Variants in ELMO1 observed in about 807,000 individuals in gnomAD.
ELMO1 encodes the protein engulfment and cell motility 1, also known as engulfment and cell motility protein 1.
A neutral mutation model predicts 98.9 loss-of-function variants in ELMO1; 26 were observed. That is an observed-to-expected ratio of 0.26 (90% CI 0.19 to 0.36). ELMO1 has a LOEUF of 0.36. ELMO1 is among the 10% of genes least tolerant of loss of function. The pLI is 1.00. For synonymous variants in ELMO1, 346 were observed against 346.0 expected, an observed-to-expected ratio of 1.00 and a Z score of 0.00; for missense variants, 627 against 935.2, an observed-to-expected ratio of 0.67 and a Z score of 4.30.
At chr7:37,446,696 C>T (rs993447041) in intron 1 of ELMO1, among the ~76,000 whole-genome samples, 4 of 152,188 alleles carry the variant, frequency 2.6e-5, no homozygotes, top group Non-Finnish European at 4.4e-5. Flanking sequence ...GACTCCCATC[C>T]GGGTCTGCCT....
intron 16 of ELMO1, among the ~76,000 whole-genome samples, chr7:36,950,689 C>T (rs991040252): frequency 5.3e-5 from 8 of 152,234 alleles, no homozygotes; most frequent in African/African-American, 1.9e-4. Flanking sequence ...CAAATGTTCA[C>T]TGCACACAAG....
intron 15 of ELMO1, among the ~76,000 whole-genome samples, chr7:37,024,141 G>A (rs1794436587): frequency 6.6e-6 from 1 of 151,486 alleles, no homozygotes; most frequent in Admixed American, 6.6e-5. Flanking sequence ...CTGTCGGTCG[G>A]TCCATCCATC....
At chr7:37,211,309 A>C in intron 13 of ELMO1, 77 bp downstream of exon 13, 4 of 1,601,700 alleles carry the variant, frequency 2.5e-6, no homozygotes, top group Non-Finnish European at 3.4e-6. Context: ...CACGCTCGGA[A>C]GAGACATCAG....
At chr7:37,333,320 G>C (rs1197869689) in intron 2 of ELMO1, among the ~76,000 whole-genome samples, 1 of 152,124 alleles carries the variant, frequency 6.6e-6, no homozygotes, top group Non-Finnish European at 1.5e-5. Context: ...ATTCACAAAA[G>C]GTTCTAGAAA....
chr7:37,092,366 CTTTTTTTT>C (rs537388417), intron 15 of ELMO1, among the ~76,000 whole-genome samples: 20 of 68,910 alleles, frequency 2.9e-4, no homozygotes, highest in African/African-American at 7.3e-4. Context: ...TACCCATATT[CTTTTTTTT>C]TTTTTTTTTT....
At chr7:37,160,115 C>T (rs117093982) in intron 13 of ELMO1, among the ~76,000 whole-genome samples, 2,650 of 152,150 alleles carry the variant, frequency 0.017, 41 homozygotes, top group Non-Finnish European at 0.029. Flanking sequence ...GGTTGTTTGC[C>T]AAAAATGCAA....
chr7:37,144,502 T>C (rs969715662), intron 13 of ELMO1, among the ~76,000 whole-genome samples: 2 of 152,212 alleles, frequency 1.3e-5, no homozygotes, highest in Non-Finnish European at 2.9e-5. Context: ...TCTTGTTCCA[T>C]GTTATTTTTT....
Position 37,282,144 on chromosome 7 carries a change from C to A in ELMO1, c.193-10262G>T, listed in dbSNP as rs569893032. 2.0e-4 allele frequency among the ~76,000 whole-genome samples: 31 copies of A among 152,294 alleles called. No homozygotes were observed. The East Asian group carries it at 5.8e-3, about 28-fold the overall frequency. ...TTAGTCAGATAAATGAAGAATTATG[C>A]CTACTCAAAAATCCCAATTCTATTC... On this transcript the variant is annotated intron_variant, in intron 4 of 21. Coordinates refer to ENST00000310758, the MANE Select transcript of ELMO1 (RefSeq NM_014800.11).
At chr7:36,951,129 C>G (rs1434105823) in intron 16 of ELMO1, among the ~76,000 whole-genome samples, 1 of 152,196 alleles carries the variant, frequency 6.6e-6, no homozygotes, top group East Asian at 1.9e-4. Flanking sequence ...ACTGCTTGGA[C>G]CTGTGTATCA....
At chr7:37,293,724 A>T (rs190582168) in intron 4 of ELMO1, among the ~76,000 whole-genome samples, 6,891 of 71,792 alleles carry the variant, frequency 0.096, 935 homozygotes, top group Non-Finnish European at 0.12. Context: ...ATAAAAAAAA[A>T]AATAATAATA....
chr7:37,137,251 C>A (rs1185278367), intron 13 of ELMO1, among the ~76,000 whole-genome samples: 2 of 152,186 alleles, frequency 1.3e-5, no homozygotes, highest in Non-Finnish European at 2.9e-5. Flanking sequence ...GCATCTAACA[C>A]TGGATCTCCC....
chr7:37,442,831 C>T (rs539481803), intron 1 of ELMO1, among the ~76,000 whole-genome samples: 2 of 152,314 alleles, frequency 1.3e-5, no homozygotes, highest in South Asian at 4.1e-4. Context: ...CACATGGCAT[C>T]CTGGCCTCAG....
At chr7:37,443,874 G>T (rs1039831772) in intron 1 of ELMO1, among the ~76,000 whole-genome samples, 1 of 152,152 alleles carries the variant, frequency 6.6e-6, no homozygotes, top group Non-Finnish European at 1.5e-5. Context: ...TGGCCTTCAT[G>T]ATCCTTTTAT....
At chr7:37,075,209 C>T (rs1024241537) in intron 15 of ELMO1, among the ~76,000 whole-genome samples, 21 of 150,338 alleles carry the variant, frequency 1.4e-4, no homozygotes, top group Middle Eastern at 3.4e-3. Flanking sequence ...TGCAGTGGCA[C>T]GATCTCTGCT....
intron 14 of ELMO1, among the ~76,000 whole-genome samples, chr7:37,106,204 A>G (rs189321105): frequency 5.9e-5 from 9 of 152,306 alleles, no homozygotes; most frequent in African/African-American, 2.2e-4. Context: ...TAGAAGGAAC[A>G]CTGCTATGGT....
chr7:37,177,734 A>G (rs2129930267), intron 13 of ELMO1, among the ~76,000 whole-genome samples: 1 of 152,038 alleles, frequency 6.6e-6, no homozygotes, highest in East Asian at 1.9e-4. Context: ...TTTGTGGATT[A>G]CTCTGGCCCT....
intron 15 of ELMO1, among the ~76,000 whole-genome samples, chr7:37,085,493 A>G (rs1345220613): frequency 6.6e-6 from 1 of 152,130 alleles, no homozygotes; most frequent in Non-Finnish European, 1.5e-5. Context: ...TATCTATTAG[A>G]ATCTTCTAGC....
intron 15 of ELMO1, among the ~76,000 whole-genome samples, chr7:37,023,299 T>C (rs1794381835): frequency 1.3e-5 from 2 of 152,234 alleles, no homozygotes; most frequent in Non-Finnish European, 2.9e-5. Flanking sequence ...AGGTAGAATA[T>C]GAGCTTTCCA....
Position 37,362,358 on chromosome 7 carries a change from A to T in ELMO1, c.-73-19595T>A, listed in dbSNP as rs201295898. Among the ~76,000 whole-genome samples the T allele has an allele frequency of 3.1e-4, 47 of 152,302 alleles. No individual in the cohort carries two copies. In the East Asian group the frequency reaches 6.2e-3, roughly 20 times the overall value. ...AAGTTTCTGCTCAGATGGTACAGTT[A>T]TAATATGACAGGGCCACCCACTGTC... On this transcript the variant is annotated intron_variant, in intron 1 of 21. Coordinates refer to ENST00000310758, the MANE Select transcript of ELMO1 (RefSeq NM_014800.11).
Sources: gnomAD v4.1 joint callset for allele counts (sites outside exome capture counted in the v4.1 genomes callset) on GRCh38, gnomAD v4.1.1 for gene constraint, MANE v1.5 for transcripts, NCBI Gene and HGNC (gene_info 2026-07-23, HGNC 2026-07-21) for gene names.